Variants in CTNNA2 observed in about 807,000 individuals in gnomAD.
CTNNA2 encodes the protein catenin alpha 2, also known as catenin alpha-2.
A neutral mutation model predicts 101.0 loss-of-function variants in CTNNA2; 42 were observed. That is an observed-to-expected ratio of 0.42 (90% CI 0.32 to 0.54). The LOEUF is 0.54. Among genes scored for constraint, CTNNA2 ranks in the 20% least tolerant of loss-of-function variants. The pLI, the probability that CTNNA2 is intolerant of heterozygous loss-of-function variation, is 0.14. For synonymous variants in CTNNA2, 450 were observed against 456.4 expected (o/e 0.99, Z 0.18); for missense variants, 871 against 1,223.1 (o/e 0.71, Z 4.29).
At chr2:79,468,214 G>A (rs1024616317) in intron 4 of CTNNA2, among the ~76,000 whole-genome samples, 7 of 152,118 alleles carry the variant, frequency 4.6e-5, no homozygotes, top group African/African-American at 1.7e-4. Flanking sequence ...ATAAAAAAAG[G>A]CAGGGGTTGC....
At chr2:79,675,835 A>G (rs910202140) in intron 2 of CTNNA2, among the ~76,000 whole-genome samples, 13 of 152,242 alleles carry the variant, frequency 8.5e-5, no homozygotes, top group African/African-American at 2.9e-4. Flanking sequence ...GATATAAAAA[A>G]TGTAAGTTCT....
chr2:79,999,465 G>A (rs1236197391), intron 7 of CTNNA2, among the ~76,000 whole-genome samples: 4 of 152,288 alleles, frequency 2.6e-5, no homozygotes, highest in Non-Finnish European at 5.9e-5. Context: ...TCCACAGTTG[G>A]GCCCTGAGCT....
chr2:79,809,716 T>A (rs1676856826), intron 3 of CTNNA2, among the ~76,000 whole-genome samples: 1 of 152,198 alleles, frequency 6.6e-6, no homozygotes, highest in Non-Finnish European at 1.5e-5. Context: ...TTGCAAAAAT[T>A]TTCTCCCATT....
intron 1 of CTNNA2, among the ~76,000 whole-genome samples, chr2:79,627,898 G>T (rs1057090261): frequency 6.6e-6 from 1 of 152,120 alleles, no homozygotes; most frequent in Non-Finnish European, 1.5e-5. Context: ...TTTAAGAAGG[G>T]AAATATACTG....
intron 13 of CTNNA2, among the ~76,000 whole-genome samples, chr2:80,578,621 G>A (rs2149712365): frequency 6.6e-6 from 1 of 152,324 alleles, no homozygotes; most frequent in East Asian, 1.9e-4. Flanking sequence ...TTTGTTGCGT[G>A]TTTAAGGTAC....
chr2:80,596,572 A>G (rs888011909), intron 15 of CTNNA2, among the ~76,000 whole-genome samples: 2 of 151,844 alleles, frequency 1.3e-5, no homozygotes, highest in African/African-American at 4.8e-5. Context: ...TTGGCCTCTC[A>G]AAGTGCTGGG....
At chr2:80,225,691 G>A (rs549672691) in intron 7 of CTNNA2, among the ~76,000 whole-genome samples, 8 of 152,270 alleles carry the variant, frequency 5.3e-5, no homozygotes, top group Admixed American at 2.6e-4. Flanking sequence ...ACTAGCTGAA[G>A]CATAAATGTA....
At chr2:80,036,382 C>G (rs1695651597) in intron 7 of CTNNA2, among the ~76,000 whole-genome samples, 1 of 152,088 alleles carries the variant, frequency 6.6e-6, no homozygotes, top group Non-Finnish European at 1.5e-5. Flanking sequence ...TTGCTTGAGG[C>G]CAGGAGTTCC....
chr2:79,325,643 C>T (rs779417829), intron 3 of CTNNA2, among the ~76,000 whole-genome samples: 5 of 152,160 alleles, frequency 3.3e-5, no homozygotes, highest in Non-Finnish European at 5.9e-5. Flanking sequence ...ACTCTGTGGC[C>T]AGGTCACTGT....
chr2:79,716,890 C>G (rs1010338045), intron 2 of CTNNA2, among the ~76,000 whole-genome samples: 1 of 151,978 alleles, frequency 6.6e-6, no homozygotes, highest in African/African-American at 2.4e-5. Context: ...AAAACATTGA[C>G]AAAGGCATGA....
At chr2:79,988,058 C>T (rs549786725) in intron 7 of CTNNA2, among the ~76,000 whole-genome samples, 1 of 152,248 alleles carries the variant, frequency 6.6e-6, no homozygotes, top group South Asian at 2.1e-4. Context: ...TGGCAGACTT[C>T]CCTGGTTTTG....
chr2:79,425,278 C>T (rs1678581629), intron 4 of CTNNA2, among the ~76,000 whole-genome samples: 2 of 152,272 alleles, frequency 1.3e-5, no homozygotes, highest in Admixed American at 6.5e-5. Context: ...CCGGTTCCTG[C>T]ATGGACATGT....
intron 7 of CTNNA2, chr2:80,305,019 C>T: frequency 1.0e-6 from 1 of 972,716 alleles, no homozygotes; most frequent in Non-Finnish European, 1.2e-6. Context: ...TGCTCTCCCC[C>T]TTGCCTTTTG....
intron 3 of CTNNA2, among the ~76,000 whole-genome samples, chr2:79,831,282 T>A (rs1279362023): frequency 6.6e-6 from 1 of 152,170 alleles, no homozygotes; most frequent in Non-Finnish European, 1.5e-5. Flanking sequence ...AATAAGGAAA[T>A]TAAGAAAATC....
chr2:80,570,452 C>A (rs1272694916), intron 12 of CTNNA2, among the ~76,000 whole-genome samples: 1 of 152,122 alleles, frequency 6.6e-6, no homozygotes, highest in Non-Finnish European at 1.5e-5. Flanking sequence ...GTTGACCAAT[C>A]CCTAAATAAA....
chr2:79,885,519 G>A (rs1683791786), intron 6 of CTNNA2, among the ~76,000 whole-genome samples: 1 of 152,148 alleles, frequency 6.6e-6, no homozygotes, highest in South Asian at 2.1e-4. Flanking sequence ...TTTCACCAAG[G>A]ATCTTGTTCT....
intron 7 of CTNNA2, among the ~76,000 whole-genome samples, chr2:80,367,892 C>A (rs1219938038): frequency 6.6e-6 from 1 of 150,534 alleles, no homozygotes; most frequent in Non-Finnish European, 1.5e-5. Context: ...AGATTCGTAG[C>A]AACTTGTTAA....
intron 2 of CTNNA2, among the ~76,000 whole-genome samples, chr2:79,718,900 A>T (rs1686291573): frequency 6.6e-6 from 1 of 150,872 alleles, no homozygotes; most frequent in Non-Finnish European, 1.5e-5. Context: ...ACCTGTGATT[A>T]AATAGTTGTT....
At chr2:79,676,463 A>G (rs1056566361) in intron 2 of CTNNA2, among the ~76,000 whole-genome samples, 1 of 152,186 alleles carries the variant, frequency 6.6e-6, no homozygotes, top group African/African-American at 2.4e-5. Context: ...TCAGGGGTCT[A>G]GGGTGGTACC....
Sources: allele counts gnomAD v4.1 joint callset (sites outside exome capture counted in the v4.1 genomes callset), GRCh38; gene constraint gnomAD v4.1.1; transcripts MANE v1.5; gene names NCBI Gene and HGNC (gene_info 2026-07-23, HGNC 2026-07-21).